The following ADGRV1 variants were observed in gnomAD, a reference collection of about 807,000 sequenced individuals.
ADGRV1 encodes adhesion G protein-coupled receptor V1, also known as G-protein coupled receptor 98.
A neutral mutation model predicts 596.2 loss-of-function variants in ADGRV1; 359 were observed. The observed-to-expected ratio is 0.60, with a 90% confidence interval of 0.55 to 0.66. The LOEUF (loss-of-function observed/expected upper bound fraction) is 0.66. Among genes scored for constraint, ADGRV1 ranks in the 30% least tolerant of loss-of-function variants. The probability of loss-of-function intolerance (pLI) is 0.00; values close to 1 mark genes in which losing one functional copy is unlikely to be tolerated. For synonymous variants in ADGRV1, 2,681 were observed against 2,679.2 expected, an observed-to-expected ratio of 1.00 and a Z score of -0.02; for missense variants, 7,274 against 7,575.6, an observed-to-expected ratio of 0.96 and a Z score of 1.48.
intron 83 of ADGRV1, among the ~76,000 whole-genome samples, chr5:90,890,180 T>C (rs575011571): frequency 6.6e-6 from 1 of 152,316 alleles, no homozygotes; most frequent in East Asian, 1.9e-4. Flanking sequence ...TGACTTTAGT[T>C]ATTACACAGT....
At chr5:90,926,612 G>T (rs1379426015) in intron 83 of ADGRV1, among the ~76,000 whole-genome samples, 1 of 151,708 alleles carries the variant, frequency 6.6e-6, no homozygotes, top group Non-Finnish European at 1.5e-5. Flanking sequence ...TTTTTGAAGG[G>T]TTTTTTGTGT....
intron 21 of ADGRV1, among the ~76,000 whole-genome samples, chr5:90,660,694 AC>A (rs1770146487): frequency 6.6e-6 from 1 of 151,914 alleles, no homozygotes; most frequent in Admixed American, 6.6e-5. Context: ...ACATAGTGAG[AC>A]CCCCTTGTCT....
At chr5:90,712,242 A>T in intron 41 of ADGRV1, 45 bp from the exon 42 acceptor site, 1 of 1,088,346 alleles carries the variant, frequency 9.2e-7, no homozygotes, top group Non-Finnish European at 1.3e-6. Flanking sequence ...AGAAACTCAC[A>T]GTGTATATAA....
chr5:90,794,127 GT>G (rs569984858), intron 70 of ADGRV1, among the ~76,000 whole-genome samples: 35 of 152,264 alleles, frequency 2.3e-4, no homozygotes, highest in Non-Finnish European at 4.4e-4. Flanking sequence ...TTGGATAAAA[GT>G]TGAGACTTTG....
Position 90,753,874 on chromosome 5 carries a change from T to C in ADGRV1, c.11377+45T>C, listed in dbSNP as rs752649786. The C allele has an allele frequency of 3.5e-5, 52 of 1,480,316 alleles. No individual in the cohort carries two copies. The African/African-American group carries it at 6.2e-4, about 18-fold the overall frequency. 91.7% of individuals were successfully genotyped at this position (1,480,316 alleles called of 1,614,324 possible). On this transcript the variant is annotated intron_variant, in intron 54 of 89. Transcript: ENST00000405460. ...TTTCAAGTTTTAATGAGAAGCTTCA[T>C]TGGATAATTTAATTCTAATATTTAT...
rs747728554 is a variant in ADGRV1 at position 90,863,795 on chromosome 5, A to C, written c.17794A>C (p.Arg5932=). The C allele has an allele frequency of 1.2e-6, 2 of 1,613,446 alleles. No homozygotes were observed. The highest frequency in any genetic ancestry group is 2.7e-5 in the African/African-American group (2 of 74,878). ...LAVLSHIFCA[R]YSMFAAKLLT... ...TGTTCTTTCCCATATCTTCTGTGCC[A>C]GGTACTCCATGTTTGCAGCTAAACT... The change falls in exon 83 of 90, where the codon AGG becomes CGG. Residue 5932 remains arginine, a synonymous_variant. Transcript: ENST00000405460.
At chr5:90,913,086 G>A (rs1581492830) in intron 83 of ADGRV1, among the ~76,000 whole-genome samples, 1 of 152,238 alleles carries the variant, frequency 6.6e-6, no homozygotes, top group East Asian at 1.9e-4. Context: ...TATAAATCAT[G>A]TGCCACACTT....
intron 43 of ADGRV1, 70 bp from the exon 44 acceptor site, chr5:90,719,978 T>C (rs1234189803): frequency 8.4e-7 from 1 of 1,190,028 alleles, no homozygotes; most frequent in Non-Finnish European, 1.2e-6. Context: ...AAATGTTCAG[T>C]AGATTTCGCT....
chr5:91,075,489 C>T (rs1251323186), intron 86 of ADGRV1, among the ~76,000 whole-genome samples: 1 of 152,118 alleles, frequency 6.6e-6, no homozygotes, highest in African/African-American at 2.4e-5. Context: ...AGCCCTCAAG[C>T]ATTGAATATA....
At chr5:90,772,127 T>C (rs1477872069) in intron 59 of ADGRV1, among the ~76,000 whole-genome samples, 1 of 152,156 alleles carries the variant, frequency 6.6e-6, no homozygotes, top group African/African-American at 2.4e-5. Context: ...AAAATATAGT[T>C]GATTCTCATG....
Position 90,790,924 on chromosome 5 carries a change from A to T in ADGRV1, c.14095A>T (p.Thr4699Ser), listed in dbSNP as rs765395932. ...TGACATTACTGAAGACTTTCTTTCC[A>T]CCAGTGGATTTTTCACCATTGCTGA... ...EFDITEDFLS[T>S]SGFFTIADGE... The change falls in exon 70 of 90, where the codon ACC becomes TCC. Residue 4699 changes from threonine (T) to serine (S), a missense_variant. By Grantham distance (58) the Thr-to-Ser change is moderately conservative. Around this residue, in one of 5 missense-constraint regions of ADGRV1, gnomAD observed 1,874 missense variants for 1,970.2 expected, o/e 0.95. Transcript: ENST00000405460. The T allele has an allele frequency of 6.2e-7, 1 of 1,612,094 alleles. No homozygotes were observed. The highest frequency in any genetic ancestry group is 1.1e-5 in the South Asian group (1 of 90,976).
chr5:90,685,400 T>A (rs1580729504), intron 28 of ADGRV1, among the ~76,000 whole-genome samples: 1 of 152,050 alleles, frequency 6.6e-6, no homozygotes, highest in South Asian at 2.1e-4. Context: ...CTGGGCAACA[T>A]GGTGAAACCC....
intron 4 of ADGRV1, 149 bp from the exon 5 acceptor site, chr5:90,622,448 T>C (rs1764212429): frequency 2.4e-6 from 1 of 412,016 alleles, no homozygotes; most frequent in Admixed American, 4.4e-5. Flanking sequence ...AAAGCTATAG[T>C]TCATTGATGC....
chr5:90,720,071 A>G lies in ADGRV1; in HGVS notation c.9471A>G (p.Leu3157=). ...AGGCCCTACAAATATCTGCCATATT[A>G]GACACGGAACCAGAAATGGATGAGT... is the stretch of plus-strand genomic sequence containing the variant. ...RFKALQISAI[L]DTEPEMDEYF... The change falls in exon 44 of 90, where the codon TTA becomes TTG. Residue 3157 remains leucine, a synonymous_variant. Transcript: ENST00000405460. The G allele has an allele frequency of 1.9e-6, 3 of 1,613,690 alleles. No homozygotes were observed. Among genetic ancestry groups the G allele is most frequent in the Non-Finnish European group, 2.5e-6 (3 of 1,179,648 alleles).
chr5:91,086,324 A>G (rs1789871882), intron 86 of ADGRV1, among the ~76,000 whole-genome samples: 1 of 152,178 alleles, frequency 6.6e-6, no homozygotes, highest in Non-Finnish European at 1.5e-5. Context: ...GCTTGTCCTT[A>G]AGATGTACAG....
At chr5:90,637,990 G>T in intron 11 of ADGRV1, 42 bp downstream of exon 11, 8 of 1,371,282 alleles carry the variant, frequency 5.8e-6, no homozygotes, top group South Asian at 5.5e-5. Context: ...ATTTATGTTT[G>T]AGTTCTCTTC....
chr5:90,778,804 C>A, intron 63 of ADGRV1, 61 bp from the exon 64 acceptor site: 2 of 1,354,426 alleles, frequency 1.5e-6, no homozygotes, highest in Non-Finnish European at 1.0e-6. Context: ...CGTTTAGTTA[C>A]AGACAGTATT....
intron 1 of ADGRV1, among the ~76,000 whole-genome samples, chr5:90,580,545 GT>G (rs1372027205): frequency 1.4e-5 from 2 of 143,982 alleles, no homozygotes; most frequent in African/African-American, 2.9e-5. Context: ...CCTTCACTTA[GT>G]TTGGCTGGAT....
chr5:91,038,380 G>C (rs1237048441), intron 85 of ADGRV1, among the ~76,000 whole-genome samples: 2 of 152,198 alleles, frequency 1.3e-5, no homozygotes, highest in African/African-American at 4.8e-5. Context: ...TGTTGTATGA[G>C]GGATTTGTTG....
Sources: gnomAD v4.1 joint callset for allele counts (sites outside exome capture counted in the v4.1 genomes callset) on GRCh38, gnomAD v4.1.1 for gene constraint, gnomAD v4.1.1 regional missense constraint, MANE v1.5 for transcripts, NCBI Gene and HGNC (gene_info 2026-07-23, HGNC 2026-07-21) for gene names.